Variants in TBC1D2B observed in about 807,000 individuals in gnomAD.
TBC1D2B encodes TBC1 domain family member 2B, also known as TBC1 domain family, member 2B.
Under a neutral mutation model 100.8 loss-of-function variants are expected in TBC1D2B, and 64 were observed. That is an observed-to-expected ratio of 0.64 (90% CI 0.52 to 0.78). The LOEUF is 0.78. Ranked by LOEUF, TBC1D2B falls within the 30% of genes least tolerant of loss-of-function variation. The probability of loss-of-function intolerance (pLI) is 0.00; values close to 1 mark genes in which losing one functional copy is unlikely to be tolerated. For synonymous variants in TBC1D2B, 480 were observed against 479.7 expected, an observed-to-expected ratio of 1.00 and a Z score of -0.01; for missense variants, 1,052 against 1,218.4, an observed-to-expected ratio of 0.86 and a Z score of 2.03.
At chr15:78,057,253 A>G (rs566483089) in intron 1 of TBC1D2B, among the ~76,000 whole-genome samples, 36 of 152,298 alleles carry the variant, frequency 2.4e-4, no homozygotes, top group African/African-American at 8.4e-4. Flanking sequence ...ATATTTTATC[A>G]TATTGTAGAA....
rs1227841587 is a variant in TBC1D2B at position 78,009,101 on chromosome 15, C to T, written c.2284G>A (p.Ala762Thr). The T allele has an allele frequency of 6.3e-7, 1 of 1,599,658 alleles. No individual in the cohort carries two copies. The highest frequency in any genetic ancestry group is 8.5e-7 in the Non-Finnish European group (1 of 1,172,558). The change falls in exon 10 of 13, where the codon GCC becomes ACC. Residue 762 changes from alanine to threonine, a missense_variant. Transcript: ENST00000300584. ...CQGLNRLVAV[A>T]LLYLEQEDAF... Reference sequence around the variant, plus strand: ...TCTTCTTGTTCCAGGTACAGGAGGGCCACTGCCACCAACCTACAAGCAAAG... The same window carrying T: ...TCTTCTTGTTCCAGGTACAGGAGGGTCACTGCCACCAACCTACAAGCAAAG...
Position 78,053,468 on chromosome 15 carries a change from T to C in TBC1D2B, c.514+566A>G, listed in dbSNP as rs565830730. On this transcript the variant is annotated intron_variant, in intron 2 of 12. Transcript: ENST00000300584. ...CCACAGTCTTTGCAATGGGGTAGGA[T>C]GGGCAGCAAATAATTGTTGTTCTGT... Among the ~76,000 whole-genome samples the C allele has an allele frequency of 1.5e-3, 225 of 152,346 alleles. 1 individual carries two copies. The highest frequency in any genetic ancestry group is 2.7e-3 in the Non-Finnish European group (183 of 68,020).
chr15:78,061,095 T>A (rs1007779152), intron 1 of TBC1D2B, among the ~76,000 whole-genome samples: 10 of 148,986 alleles, frequency 6.7e-5, no homozygotes, highest in Admixed American at 3.4e-4. Context: ...GAAATATAAA[T>A]TTACCAGGTG....
intron 7 of TBC1D2B, 158 bp from the exon 8 acceptor site, chr15:78,016,897 C>G (rs559689068): frequency 1.7e-6 from 1 of 604,416 alleles, no homozygotes; most frequent in Admixed American, 3.6e-5. Flanking sequence ...TGCCACAGAC[C>G]ACCTTTCATG....
chr15:78,001,840 A>C (rs759579856), intron 11 of TBC1D2B, 100 bp from the exon 12 acceptor site: 6 of 1,389,676 alleles, frequency 4.3e-6, no homozygotes, highest in Non-Finnish European at 5.8e-6. Flanking sequence ...GGACAGGGGG[A>C]CATGGCTTGC....
At chr15:78,010,267 G>C (rs971174984) in intron 9 of TBC1D2B, among the ~76,000 whole-genome samples, 5 of 152,106 alleles carry the variant, frequency 3.3e-5, no homozygotes, top group East Asian at 1.9e-4. Context: ...ACGGAAACTG[G>C]GGTCAGCTAT....
chr15:78,037,099 T>TA (rs1161377331), intron 3 of TBC1D2B, among the ~76,000 whole-genome samples: 2 of 152,144 alleles, frequency 1.3e-5, no homozygotes, highest in Non-Finnish European at 2.9e-5. Context: ...ACAATATTCT[T>TA]ACTGTAGAAC....
intron 6 of TBC1D2B, among the ~76,000 whole-genome samples, chr15:78,020,737 T>C (rs1351872523): frequency 1.3e-5 from 2 of 152,166 alleles, no homozygotes; most frequent in African/African-American, 4.8e-5. Context: ...CATTTTGCTT[T>C]TCTGTTTGTG....
At chr15:78,060,261 A>C (rs2073515296) in intron 1 of TBC1D2B, among the ~76,000 whole-genome samples, 1 of 152,212 alleles carries the variant, frequency 6.6e-6, no homozygotes, top group African/African-American at 2.4e-5. Flanking sequence ...CACCGCAAGC[A>C]AACATTTTCC....
Position 78,030,136 on chromosome 15 carries a change from G to C in TBC1D2B, c.718C>G (p.His240Asp). Residue 240 changes from histidine to aspartate, a missense_variant, in exon 4 of 13, where the codon CAT becomes GAT. Around this residue, in one of 4 missense-constraint regions of TBC1D2B, gnomAD observed 627 missense variants for 646.1 expected, o/e 0.97. Coordinates refer to ENST00000300584, the MANE Select transcript of TBC1D2B (RefSeq NM_144572.2). The part of the protein sequence containing the change: ...SMSSFRPGRG[H>D]NDSRRTVFYT... Reference sequence around the variant, plus strand: ...AACACAGTCCTCCGACTATCATTATGTCCTCTCCCAGGACGGAAAGAAGAC... The same window carrying C: ...AACACAGTCCTCCGACTATCATTATCTCCTCTCCCAGGACGGAAAGAAGAC... 6.2e-7 allele frequency: 1 copy of C among 1,613,374 alleles called. No individual in the cohort carries two copies. The highest frequency in any genetic ancestry group is 8.5e-7 in the Non-Finnish European group (1 of 1,179,626).
chr15:78,041,958 G>A (rs982706896), intron 3 of TBC1D2B, among the ~76,000 whole-genome samples: 1 of 152,196 alleles, frequency 6.6e-6, no homozygotes, highest in African/African-American at 2.4e-5. Context: ...TATTACAAAT[G>A]AGAAACGGAG....
intron 1 of TBC1D2B, among the ~76,000 whole-genome samples, chr15:78,061,392 G>C (rs1390703212): frequency 1.3e-5 from 2 of 151,824 alleles, no homozygotes. Context: ...GGCCAACATG[G>C]TGAAATCCCC....
intron 1 of TBC1D2B, among the ~76,000 whole-genome samples, chr15:78,066,421 G>C (rs935330225): frequency 6.6e-6 from 1 of 152,172 alleles, no homozygotes; most frequent in African/African-American, 2.4e-5. Flanking sequence ...ATCGGGAGGA[G>C]AGCAGTGTTT....
At chr15:78,013,466 G>A (rs1358879049) in intron 8 of TBC1D2B, 149 bp from the exon 9 acceptor site, 5 of 785,726 alleles carry the variant, frequency 6.4e-6, no homozygotes, top group Admixed American at 6.0e-5. Context: ...GGATATAATC[G>A]ACTTCTCAGT....
intron 11 of TBC1D2B, 156 bp downstream of exon 11, chr15:78,003,149 C>T: frequency 1.6e-6 from 1 of 616,692 alleles, no homozygotes; most frequent in Non-Finnish European, 2.9e-6. Context: ...TTTCCTGATA[C>T]CCTGGACCCA....
rs377641810 is a variant in TBC1D2B at position 78,062,777 on chromosome 15, A to G, written c.361-8590T>C. On this transcript the variant is annotated intron_variant, in intron 1 of 12. Transcript: ENST00000300584. ...TTGCATATTATATTAGACACCATCA[A>G]TTAAACAATTACTGTGTGCCAGACA... Among the ~76,000 whole-genome samples the G allele has an allele frequency of 1.6e-4, 24 of 152,288 alleles. No homozygotes were observed. In the South Asian group the frequency reaches 3.9e-3, roughly 25 times the overall value.
At chr15:78,012,580 C>T (rs752616343) in intron 9 of TBC1D2B, among the ~76,000 whole-genome samples, 28 of 152,218 alleles carry the variant, frequency 1.8e-4, no homozygotes, top group Admixed American at 3.3e-4. Context: ...AAAAATGAGA[C>T]TCCAAGTAGT....
intron 3 of TBC1D2B, among the ~76,000 whole-genome samples, chr15:78,037,038 G>A (rs1304896883): frequency 6.6e-6 from 1 of 152,154 alleles, no homozygotes; most frequent in Non-Finnish European, 1.5e-5. Flanking sequence ...AGACATCAGA[G>A]CAAACACCTA....
chr15:78,044,020 A>G (rs12907701), intron 3 of TBC1D2B, among the ~76,000 whole-genome samples: 90,377 of 146,116 alleles, frequency 0.62, 27,977 homozygotes, highest in Admixed American at 0.64. Flanking sequence ...ACAAGACCTT[A>G]TCTTAAAAAA....
Sources: allele counts gnomAD v4.1 joint callset (sites outside exome capture counted in the v4.1 genomes callset), GRCh38; gene constraint gnomAD v4.1.1; regional missense constraint gnomAD v4.1.1; transcripts MANE v1.5; gene names NCBI Gene and HGNC (gene_info 2026-07-23, HGNC 2026-07-21).